CCDC93: variants seen among roughly 807,000 people sequenced by gnomAD.
The protein encoded by CCDC93 is CCC complex scaffolding subunit CCDC93.
CCDC93 carries 61 observed loss-of-function variants against 108.2 expected under a neutral mutation model. The observed-to-expected ratio is 0.56, with a 90% CI of 0.46 to 0.70. CCDC93 has a LOEUF of 0.70. CCDC93 is among the 30% of genes least tolerant of loss of function. The pLI is 0.00. For missense variants in CCDC93, 685 were observed against 764.2 expected, an observed-to-expected ratio of 0.90 and a Z score of 1.22; for synonymous variants, 276 against 260.4, an observed-to-expected ratio of 1.06 and a Z score of -0.58.
intron 12 of CCDC93, among the ~76,000 whole-genome samples, chr2:117,954,878 C>G (rs769913315): frequency 1.3e-5 from 2 of 152,010 alleles, no homozygotes; most frequent in African/African-American, 2.4e-5. Flanking sequence ...TTATAGGCAT[C>G]TGGCATTTCC....
At chr2:117,944,257 T>TGATACCCTC (rs1678798775) in intron 17 of CCDC93, among the ~76,000 whole-genome samples, 171 bp from the exon 18 acceptor site, 3 of 152,230 alleles carry the variant, frequency 2.0e-5, no homozygotes. Context: ...ATGAGACCCT[T>TGATACCCTC]GATACCCTCT....
At chr2:117,982,845 G>A (rs1463795442) in intron 7 of CCDC93, among the ~76,000 whole-genome samples, 1 of 152,088 alleles carries the variant, frequency 6.6e-6, no homozygotes, top group Non-Finnish European at 1.5e-5. Flanking sequence ...GCCAGCAGGG[G>A]GCCAGCCTTG....
At position 117,996,303 on chromosome 2, in the gene CCDC93, G is replaced by T; in HGVS notation, c.423C>A (p.Tyr141Ter). ...KEEMGDYIRSYSVSQFQKTYS... is the reference protein window; with the variant it reads ...KEEMGDYIRS ...AAGTCTTCTGGAACTGGGATACAGA[G>T]TAGGAGCGGATATAGTCACCCATCT... Residue 141 changes from tyrosine (Y) to a stop codon, truncating the protein, a stop_gained, in exon 5 of 24, where the codon TAC becomes TAA. Transcript: ENST00000376300. LOFTEE classifies it high-confidence loss of function. The T allele has an allele frequency of 6.2e-7, 1 of 1,613,494 alleles. No individual in the cohort carries two copies. The highest frequency in any genetic ancestry group is 8.5e-7 in the Non-Finnish European group (1 of 1,179,414).
Position 117,927,595 on chromosome 2 carries a change from C to T in CCDC93, c.1842+3442G>A, listed in dbSNP as rs981347733. Among the ~76,000 whole-genome samples the T allele has an allele frequency of 5.3e-5, 8 of 151,972 alleles. No homozygotes were observed. In the East Asian group the frequency reaches 7.7e-4, roughly 15 times the overall value. On this transcript the variant is annotated intron_variant, in intron 23 of 23. Transcript: ENST00000376300. The stretch of plus-strand genomic sequence containing the variant: ...TCTTCAAGAACTACAAACCACTGCT[C>T]GATGAAATAAAATAGGATACAAACA...
At position 117,936,577 on chromosome 2, in the gene CCDC93, A is replaced by C. The variant is rs1678532154; in HGVS notation, c.1643+125T>G. ...TAGCAGAAGGGCTAAAAGAGTAAGA[A>C]TCACATACCCAGTGTTAAGTCTTGC... On this transcript the variant is annotated intron_variant, in intron 21 of 23. Coordinates refer to ENST00000376300, the MANE Select transcript of CCDC93 (RefSeq NM_019044.5). 7 of 794,948 alleles carry C rather than the reference A, an allele frequency of 8.8e-6. No individual in the cohort carries two copies. In the Admixed American group the frequency reaches 1.2e-4, roughly 14 times the overall value. 49.2% of individuals were successfully genotyped at this position (794,948 alleles called of 1,614,324 possible). A position where few individuals can be genotyped will look rare whatever the true frequency, so the allele number is the denominator to read the frequency against.
chr2:117,950,933 G>C lies in CCDC93; in HGVS notation c.1068+1440C>G, dbSNP rs145056044. ...AAAAAGGAACGACGACTGCAGGAAT[G>C]ATATGCCCAGAGCAATGTTGGCTGC... On this transcript the variant is annotated intron_variant, in intron 13 of 23. Coordinates refer to ENST00000376300, the MANE Select transcript of CCDC93 (RefSeq NM_019044.5). 302 of 985,430 alleles carry C rather than the reference G, an allele frequency of 3.1e-4. 1 individual carries two copies. Among genetic ancestry groups the C allele is most frequent in the Middle Eastern group, 2.6e-3 (5 of 1,914 alleles). The allele number at this position is 985,430 out of a possible 1,614,324, so 61.0% of individuals were successfully genotyped here.
At chr2:117,975,574 C>T (rs1558791324) in intron 8 of CCDC93, among the ~76,000 whole-genome samples, 1 of 152,222 alleles carries the variant, frequency 6.6e-6, no homozygotes, top group South Asian at 2.1e-4. Flanking sequence ...CTTCCCCCTA[C>T]TTTAACACTT....
chr2:117,954,285 A>G (rs1310463287), intron 12 of CCDC93, among the ~76,000 whole-genome samples: 1 of 152,216 alleles, frequency 6.6e-6, no homozygotes, highest in Non-Finnish European at 1.5e-5. Context: ...GATGGGGCAG[A>G]GCCAGGCCCA....
chr2:117,929,253 A>C (rs1054787873), intron 23 of CCDC93, among the ~76,000 whole-genome samples: 2 of 152,222 alleles, frequency 1.3e-5, no homozygotes, highest in Non-Finnish European at 2.9e-5. Context: ...TAAAACTTAA[A>C]GTATAATAAA....
chr2:117,982,531 A>G (rs1680178050), intron 7 of CCDC93, among the ~76,000 whole-genome samples: 1 of 152,124 alleles, frequency 6.6e-6, no homozygotes, highest in Non-Finnish European at 1.5e-5. Context: ...AGCAACTGAG[A>G]GTCAAAATGG....
rs1001308253 is a variant in CCDC93 at position 117,982,328 on chromosome 2, T to C, written c.620+3641A>G. Among the ~76,000 whole-genome samples, 8 of 152,120 alleles carry C rather than the reference T, an allele frequency of 5.3e-5. No individual in the cohort carries two copies. In the East Asian group the frequency reaches 7.8e-4, roughly 15 times the overall value. On this transcript the variant is annotated intron_variant, in intron 7 of 23. Transcript: ENST00000376300. ...AGGTGCTTAAGTTAGCCTCTCAAAA[T>C]TGACTGAACCCATAACAAAACTGAA...
chr2:117,988,381 C>T (rs979411966), intron 6 of CCDC93, among the ~76,000 whole-genome samples: 9 of 152,124 alleles, frequency 5.9e-5, no homozygotes, highest in African/African-American at 1.4e-4. Flanking sequence ...AATCCCTGAT[C>T]GCTTCCCTCA....
intron 1 of CCDC93, among the ~76,000 whole-genome samples, chr2:118,011,050 T>C (rs1558809376): frequency 6.6e-6 from 1 of 152,188 alleles, no homozygotes; most frequent in Non-Finnish European, 1.5e-5. Context: ...GACTATATAT[T>C]ATATACTTGG....
At chr2:117,969,833 T>C (rs1181948097) in intron 11 of CCDC93, among the ~76,000 whole-genome samples, 3 of 152,214 alleles carry the variant, frequency 2.0e-5, no homozygotes, top group African/African-American at 7.2e-5. Flanking sequence ...AGAGATAAGA[T>C]TTATTAAGAT....
In CCDC93 at chr2:117,989,467, T is replaced by C. The variant is rs538787974; in HGVS notation, c.520-3398A>G. Among the ~76,000 whole-genome samples the C allele has an allele frequency of 2.0e-4, 30 of 152,218 alleles. 1 individual carries two copies. The highest frequency in any genetic ancestry group is 3.5e-4 in the Non-Finnish European group (24 of 68,044). ...AAAGCTTATATATGCTACTGCCACCTTGCAGTCAGGTCGTTCTTCTTGATC... is the reference window on the plus strand; with the variant it reads ...AAAGCTTATATATGCTACTGCCACCCTGCAGTCAGGTCGTTCTTCTTGATC... On this transcript the variant is annotated intron_variant, in intron 6 of 23. Transcript: ENST00000376300.
intron 7 of CCDC93, among the ~76,000 whole-genome samples, chr2:117,982,765 G>C (rs1270625416): frequency 7.7e-6 from 1 of 129,092 alleles, no homozygotes; most frequent in Non-Finnish European, 1.7e-5. Context: ...TGGGGGGGGG[G>C]GTGCGTGAGG....
At chr2:117,949,905 C>G (rs1306340709) in intron 13 of CCDC93, 1 of 985,356 alleles carries the variant, frequency 1.0e-6, no homozygotes, top group East Asian at 1.1e-4. Context: ...GTGGAGTTAG[C>G]AGACGTAGGA....
intron 11 of CCDC93, among the ~76,000 whole-genome samples, chr2:117,966,672 A>G (rs1280865254): frequency 3.9e-5 from 6 of 152,222 alleles, no homozygotes; most frequent in Non-Finnish European, 1.5e-5. Context: ...TTTTTCTAGA[A>G]GAGACACTTT....
intron 11 of CCDC93, among the ~76,000 whole-genome samples, chr2:117,958,771 A>G (rs1442281813): frequency 6.6e-6 from 1 of 152,238 alleles, no homozygotes; most frequent in Non-Finnish European, 1.5e-5. Flanking sequence ...GTATCATCAA[A>G]AAGTCTTAAA....
Sources: allele counts gnomAD v4.1 joint callset (sites outside exome capture counted in the v4.1 genomes callset), GRCh38; gene constraint gnomAD v4.1.1; transcripts MANE v1.5; gene names NCBI Gene and HGNC (gene_info 2026-07-23, HGNC 2026-07-21).